Variants in SIPA1L2 observed in about 807,000 individuals in gnomAD.
SIPA1L2 encodes the protein signal-induced proliferation-associated 1-like protein 2.
SIPA1L2 carries 56 observed loss-of-function variants against 163.9 expected under a neutral mutation model. The ratio of observed to expected loss-of-function variants is 0.34; its 90% CI spans 0.28 to 0.43. SIPA1L2 has a LOEUF of 0.43. Among genes scored for constraint, SIPA1L2 ranks in the 20% least tolerant of loss-of-function variants. SIPA1L2 has a pLI of 1.00. For missense variants in SIPA1L2, 1,974 were observed against 2,193.5 expected (o/e 0.90, Z 2.00); for synonymous variants, 877 against 865.7 (o/e 1.01, Z -0.23).
rs1341396075 is a variant in SIPA1L2 at position 232,399,046 on chromosome 1, G to C, written c.*81C>G. 5 of 1,581,672 alleles carry C rather than the reference G, an allele frequency of 3.2e-6. No individual in the cohort carries two copies. In the South Asian group the frequency reaches 4.6e-5, roughly 14 times the overall value. On this transcript the variant is annotated 3_prime_UTR_variant, in exon 23 of 23. Coordinates refer to ENST00000674635, the MANE Select transcript of SIPA1L2 (RefSeq NM_020808.5). ...CAAAAACATCTACGATTGGTTGAAA[G>C]CACACAGAAAAACCACATGTTTGTG...
At chr1:232,497,186 G>A (rs1331699831) in intron 3 of SIPA1L2, among the ~76,000 whole-genome samples, 1 of 152,222 alleles carries the variant, frequency 6.6e-6, no homozygotes, top group Non-Finnish European at 1.5e-5. Context: ...GCCAACTACA[G>A]AGGAGGCATG....
At chr1:232,488,502 T>C (rs1202469001) in intron 5 of SIPA1L2, among the ~76,000 whole-genome samples, 2 of 152,224 alleles carry the variant, frequency 1.3e-5, no homozygotes, top group African/African-American at 2.4e-5. Context: ...GTTTTCCTCA[T>C]GTACAATGGG....
chr1:232,441,975 C>G (rs1572902550), intron 12 of SIPA1L2, 107 bp from the exon 13 acceptor site: 1 of 860,494 alleles, frequency 1.2e-6, no homozygotes, highest in African/African-American at 1.7e-5. Context: ...AAAGCCCTAT[C>G]CAGGAGCTGG....
chr1:232,402,561 A>C, intron 21 of SIPA1L2, 88 bp from the exon 22 acceptor site: 1 of 1,073,258 alleles, frequency 9.3e-7, no homozygotes, highest in Non-Finnish European at 1.4e-6. Flanking sequence ...AAATTATTTC[A>C]TGTGCTTAGA....
At chr1:232,473,872 A>G (rs1180423347) in intron 7 of SIPA1L2, among the ~76,000 whole-genome samples, 1 of 152,222 alleles carries the variant, frequency 6.6e-6, no homozygotes, top group African/African-American at 2.4e-5. Flanking sequence ...AACACTATCC[A>G]TTAATAGAAT....
intron 10 of SIPA1L2, among the ~76,000 whole-genome samples, chr1:232,456,234 T>C (rs1294215217): frequency 6.6e-6 from 1 of 152,232 alleles, no homozygotes; most frequent in East Asian, 1.9e-4. Context: ...TGTATGTGTG[T>C]AGATATACAT....
chr1:232,424,089 C>T (rs1661738238), intron 18 of SIPA1L2, among the ~76,000 whole-genome samples: 1 of 151,958 alleles, frequency 6.6e-6, no homozygotes. Context: ...TAGAAACACA[C>T]AGAATGTACA....
At chr1:232,553,876 T>C (rs1399934620) in intron 2 of SIPA1L2, among the ~76,000 whole-genome samples, 1 of 152,168 alleles carries the variant, frequency 6.6e-6, no homozygotes, top group Non-Finnish European at 1.5e-5. Flanking sequence ...AAAAACTTTC[T>C]CATAAAGAAC....
At chr1:232,469,428 T>C (rs958934346) in intron 8 of SIPA1L2, among the ~76,000 whole-genome samples, 9 of 152,186 alleles carry the variant, frequency 5.9e-5, no homozygotes, top group Admixed American at 2.0e-4. Flanking sequence ...TTTCATGAGA[T>C]AGAGTAAGGA....
intron 5 of SIPA1L2, among the ~76,000 whole-genome samples, chr1:232,488,373 C>G (rs1665755569): frequency 6.6e-6 from 1 of 152,142 alleles, no homozygotes; most frequent in Non-Finnish European, 1.5e-5. Flanking sequence ...AGAAACAGCA[C>G]CGCTTGGAAT....
At chr1:232,432,621 T>C (rs1662318095) in intron 15 of SIPA1L2, 150 bp from the exon 16 acceptor site, 3 of 680,632 alleles carry the variant, frequency 4.4e-6, no homozygotes, top group South Asian at 1.9e-5. Flanking sequence ...CTTTCTACCA[T>C]GGAGCTTGCT....
At chr1:232,609,575 A>C (rs1257504285) in intron 1 of SIPA1L2, among the ~76,000 whole-genome samples, 4 of 152,184 alleles carry the variant, frequency 2.6e-5, no homozygotes, top group African/African-American at 9.6e-5. Context: ...TCACACCTGT[A>C]ATCTCAGCAT....
intron 1 of SIPA1L2, among the ~76,000 whole-genome samples, chr1:232,611,058 C>A (rs1662212589): frequency 6.6e-6 from 1 of 151,984 alleles, no homozygotes; most frequent in African/African-American, 2.4e-5. Flanking sequence ...GGCGGCTTCC[C>A]CCATCCTGTT....
At chr1:232,474,399 C>T (rs186212336) in intron 7 of SIPA1L2, among the ~76,000 whole-genome samples, 1 of 152,284 alleles carries the variant, frequency 6.6e-6, no homozygotes, top group Non-Finnish European at 1.5e-5. Flanking sequence ...CACCCAATTC[C>T]ATGGCAAAAG....
rs375035053 is a variant in SIPA1L2, at chr1:232,577,835, T to C, written c.-318-3613A>G. ...GAACAAAGAAACTGGTTTCTTGAGA[T>C]GGAGGTGAAGATGATATGAACATTG... is the stretch of plus-strand genomic sequence containing the variant. On this transcript the variant is annotated intron_variant, in intron 1 of 22. Transcript: ENST00000674635. 1.9e-3 allele frequency among the ~76,000 whole-genome samples: 296 copies of C among 152,314 alleles called. 1 individual carries two copies. The highest frequency in any genetic ancestry group is 4.8e-3 in the African/African-American group (198 of 41,568).
chr1:232,440,249 G>T, intron 14 of SIPA1L2, among the ~76,000 whole-genome samples: 1 of 152,144 alleles, frequency 6.6e-6, no homozygotes, highest in Non-Finnish European at 1.5e-5. Context: ...ATACAGACAC[G>T]GCCTCTCTTC....
rs34779799 is a variant in SIPA1L2, at chr1:232,528,102, A to ATATATATATATATATC, written c.-269-12495_-269-12494insGATATATATATATATA. On this transcript the variant is annotated intron_variant, in intron 2 of 22. Transcript: ENST00000674635. ...TTTATATATATATATATATATATATAATCAACTTTCTAAAAACCACAGGTA... is the reference window on the plus strand; with the variant it reads ...TTTATATATATATATATATATATATATATATATATATATATCATCAACTTTCTAAAAACCACAGGTA... Among the ~76,000 whole-genome samples, 84 of 118,516 alleles carry ATATATATATATATATC rather than the reference A, an allele frequency of 7.1e-4. 6 individuals are homozygous for ATATATATATATATATC. Among genetic ancestry groups the ATATATATATATATATC allele is most frequent in the Middle Eastern group, 5.1e-3 (1 of 198 alleles). 77.8% of individuals were successfully genotyped at this position (118,516 alleles called of 152,430 possible).
rs577512291 is a variant in SIPA1L2 at position 232,421,406 on chromosome 1, T to C, written c.4630+4183A>G. On this transcript the variant is annotated intron_variant, in intron 18 of 22. Coordinates refer to ENST00000674635, the MANE Select transcript of SIPA1L2 (RefSeq NM_020808.5). The stretch of plus-strand genomic sequence containing the variant: ...ACCATCTTTACTGAGTCTGAGTTTA[T>C]TGCTATTATTATAAATGCCAAGGAG... Among the ~76,000 whole-genome samples, 10 of 151,158 alleles carry C rather than the reference T, an allele frequency of 6.6e-5. No individual in the cohort carries two copies. In the Middle Eastern group the frequency reaches 0.01, roughly 154 times the overall value.
At chr1:232,491,773 T>C (rs917784887) in intron 4 of SIPA1L2, among the ~76,000 whole-genome samples, 3 of 152,110 alleles carry the variant, frequency 2.0e-5, no homozygotes, top group African/African-American at 7.2e-5. Context: ...GTCCTTAGAC[T>C]ACTAACACCA....
Sources: allele counts gnomAD v4.1 joint callset (sites outside exome capture counted in the v4.1 genomes callset), GRCh38; gene constraint gnomAD v4.1.1; transcripts MANE v1.5; gene names NCBI Gene and HGNC (gene_info 2026-07-23, HGNC 2026-07-21).